C2orf42: variants seen among roughly 807,000 people sequenced by gnomAD.
C2orf42 encodes the protein chromosome 2 open reading frame 42.
In C2orf42, 44 loss-of-function variants were observed where a neutral mutation model predicts 58.9. The observed-to-expected ratio is 0.75, with a 90% CI of 0.59 to 0.96. The LOEUF (loss-of-function observed/expected upper bound fraction) is 0.96. Ranked by LOEUF, C2orf42 falls within the 40% of genes least tolerant of loss-of-function variation. The probability of loss-of-function intolerance (pLI) is 0.00; values close to 1 mark genes in which losing one functional copy is unlikely to be tolerated. For missense variants in C2orf42, 630 were observed against 699.2 expected (o/e 0.90, Z 1.12); for synonymous variants, 239 against 265.4 (o/e 0.90, Z 0.97).
chr2:70,150,735 T>C (rs2104808313), intron 9 of C2orf42, among the ~76,000 whole-genome samples, 171 bp from the exon 10 acceptor site: 1 of 152,300 alleles, frequency 6.6e-6, no homozygotes, highest in Non-Finnish European at 1.5e-5. Context: ...TTGATCATCA[T>C]GAAGTTTTTG....
chr2:70,178,372 C>G (rs1234521236), intron 4 of C2orf42, among the ~76,000 whole-genome samples: 1 of 152,074 alleles, frequency 6.6e-6, no homozygotes, highest in Non-Finnish European at 1.5e-5. Context: ...TTTGGGAGGC[C>G]AAGGCGGGTG....
At chr2:70,162,688 G>A (rs1469201830) in intron 8 of C2orf42, among the ~76,000 whole-genome samples, 1 of 151,896 alleles carries the variant, frequency 6.6e-6, no homozygotes, top group Non-Finnish European at 1.5e-5. Flanking sequence ...GCCTAGGCTG[G>A]TCTTGAACTC....
chr2:70,150,276 A>T lies in C2orf42; in HGVS notation c.*80T>A. The T allele has an allele frequency of 8.3e-7, 1 of 1,208,200 alleles. No individual in the cohort carries two copies. Among genetic ancestry groups the T allele is most frequent in the Non-Finnish European group, 1.2e-6 (1 of 825,664 alleles). The allele number at this position is 1,208,200 out of a possible 1,614,324, so 74.8% of individuals were successfully genotyped here. On this transcript the variant is annotated 3_prime_UTR_variant, in exon 10 of 10. Transcript: ENST00000264434. ...GTTTACCAAGGAACAGGGCCATCTA[A>T]GTGCCTAACTAGCATTTAAAGTTGT...
In C2orf42 at chr2:70,181,605, G is replaced by A. The variant is rs764205079; in HGVS notation, c.381C>T (p.Gly127=). 5.8e-5 allele frequency: 94 copies of A among 1,613,908 alleles called. No individual in the cohort carries two copies. The highest frequency in any genetic ancestry group is 7.6e-5 in the Non-Finnish European group (90 of 1,180,004). ...VPSCLKAATQ[G]VVENQCQHIK... ...TGTGCTGGCACTGGTTTTCCACAAC[G>A]CCTTGAGTGGCAGCTTTCAGGCATG... The change falls in exon 3 of 10, where the codon GGC becomes GGT. Residue 127 remains glycine (G), a synonymous_variant. Transcript: ENST00000264434.
intron 7 of C2orf42, 96 bp from the exon 8 acceptor site, chr2:70,165,288 C>A: frequency 1.4e-6 from 1 of 707,808 alleles, no homozygotes; most frequent in Non-Finnish European, 2.4e-6. Flanking sequence ...ACTATTATTT[C>A]CTTATAGATT....
At chr2:70,190,336 C>G (rs1675265917) in intron 1 of C2orf42, 1 of 152,222 alleles carries the variant, frequency 6.6e-6, no homozygotes, top group African/African-American at 2.4e-5. Flanking sequence ...GATTCTGTTT[C>G]ATGCTTGTGA....
chr2:70,177,172 C>T (rs942334776), intron 4 of C2orf42, among the ~76,000 whole-genome samples: 3 of 151,446 alleles, frequency 2.0e-5, no homozygotes, highest in Non-Finnish European at 2.9e-5. Flanking sequence ...CTTAGGAGAC[C>T]GAGGCAGGAG....
chr2:70,182,146 C>A (rs1424606764), intron 2 of C2orf42, 149 bp from the exon 3 acceptor site: 3 of 577,834 alleles, frequency 5.2e-6, no homozygotes, highest in Non-Finnish European at 9.2e-6. Context: ...GTCGCCCAGG[C>A]TGGAGTGCAG....
At chr2:70,173,089 G>A (rs947105025) in intron 5 of C2orf42, among the ~76,000 whole-genome samples, 4 of 151,896 alleles carry the variant, frequency 2.6e-5, no homozygotes, top group Non-Finnish European at 5.9e-5. Flanking sequence ...CCTGGGAGGC[G>A]AAGGTTGCAG....
intron 1 of C2orf42, among the ~76,000 whole-genome samples, chr2:70,188,556 T>C (rs1463377141): frequency 6.6e-6 from 1 of 152,216 alleles, no homozygotes; most frequent in Non-Finnish European, 1.5e-5. Context: ...AAGTGGCAGA[T>C]AGAACACAGT....
At chr2:70,169,012 C>T (rs1301940482) in intron 6 of C2orf42, among the ~76,000 whole-genome samples, 1 of 151,976 alleles carries the variant, frequency 6.6e-6, no homozygotes, top group Non-Finnish European at 1.5e-5. Flanking sequence ...CCATGCCCGG[C>T]CAGTATGTTT....
chr2:70,153,825 C>T (rs1472000640), intron 9 of C2orf42, among the ~76,000 whole-genome samples: 14 of 149,650 alleles, frequency 9.4e-5, no homozygotes, highest in Admixed American at 2.0e-4. Context: ...TTTGGGAGGC[C>T]GAGGCGGGTG....
chr2:70,181,894 C>T lies in C2orf42; in HGVS notation c.92G>A (p.Cys31Tyr). The change falls in exon 3 of 10, where the codon TGT becomes TAT. Residue 31 changes from cysteine (C) to tyrosine (Y), a missense_variant. Cys to Tyr is a radical substitution (Grantham distance 194, BLOSUM62 -2). Transcript: ENST00000264434. The stretch of plus-strand genomic sequence containing the variant: ...TCCCCGGGTTCCATTGTATGTGCCA[C>T]ATCGGGGACACTTTCTGATTCCCCT... The part of the protein sequence containing the change: ...TLRGIRKCPR[C>Y]GTYNGTRGLS... The T allele has an allele frequency of 6.2e-7, 1 of 1,613,832 alleles. No individual in the cohort carries two copies.
intron 8 of C2orf42, among the ~76,000 whole-genome samples, 174 bp from the exon 9 acceptor site, chr2:70,160,961 C>T (rs1043567383): frequency 2.0e-5 from 3 of 152,102 alleles, no homozygotes; most frequent in Non-Finnish European, 4.4e-5. Flanking sequence ...CCTTTTCTCC[C>T]TTACATCATT....
intron 5 of C2orf42, among the ~76,000 whole-genome samples, chr2:70,170,616 G>A (rs1023733290): frequency 2.0e-5 from 3 of 151,954 alleles, no homozygotes; most frequent in South Asian, 2.1e-4. Context: ...TTAGCTGGGC[G>A]TGGTGGCATG....
intron 6 of C2orf42, among the ~76,000 whole-genome samples, chr2:70,167,032 G>A (rs913100714): frequency 1.3e-5 from 2 of 152,138 alleles, no homozygotes; most frequent in Non-Finnish European, 2.9e-5. Context: ...CTCAAGGCAG[G>A]TAAAATACTT....
chr2:70,165,698 G>A lies in C2orf42; in HGVS notation c.1145-63C>T, dbSNP rs866366628. On this transcript the variant is annotated intron_variant, in intron 6 of 9. Coordinates refer to ENST00000264434, the MANE Select transcript of C2orf42 (RefSeq NM_017880.3). Reference sequence around the variant, plus strand: ...CTCAGTGGACTTTCTGATGTACAGGGAGAGGTGAAAGAAAAGGAATCAAGG... The same window carrying A: ...CTCAGTGGACTTTCTGATGTACAGGAAGAGGTGAAAGAAAAGGAATCAAGG... The A allele has an allele frequency of 4.6e-6, 4 of 873,324 alleles. No homozygotes were observed. In the Middle Eastern group the frequency reaches 8.8e-4, roughly 193 times the overall value. The allele number at this position is 873,324 out of a possible 1,614,324, so 54.1% of individuals were successfully genotyped here.
chr2:70,154,831 C>T (rs1672556913), intron 9 of C2orf42, among the ~76,000 whole-genome samples: 1 of 152,134 alleles, frequency 6.6e-6, no homozygotes, highest in Non-Finnish European at 1.5e-5. Flanking sequence ...TCATGGCTCA[C>T]TGCAGCCTCG....
intron 9 of C2orf42, among the ~76,000 whole-genome samples, chr2:70,152,138 C>T (rs868760350): frequency 1.3e-5 from 2 of 152,210 alleles, no homozygotes; most frequent in Middle Eastern, 6.8e-3. Context: ...ATAGTCACCC[C>T]TTTTAAATTC....
Sources: allele counts gnomAD v4.1 joint callset (sites outside exome capture counted in the v4.1 genomes callset), GRCh38; gene constraint gnomAD v4.1.1; transcripts MANE v1.5; gene names NCBI Gene and HGNC (gene_info 2026-07-23, HGNC 2026-07-21).